The following PHF14 variants were observed in gnomAD, a reference collection of about 807,000 sequenced individuals.
The protein encoded by PHF14 is PHD finger protein 14.
In PHF14, 55 loss-of-function variants were observed where a neutral mutation model predicts 117.9. The observed-to-expected ratio is 0.47, with a 90% CI of 0.38 to 0.58. The LOEUF is 0.58. Among genes scored for constraint, PHF14 ranks in the 20% least tolerant of loss-of-function variants. The pLI, the probability that PHF14 is intolerant of heterozygous loss-of-function variation, is 0.00. For missense variants in PHF14, 978 were observed against 1,122.2 expected, an observed-to-expected ratio of 0.87 and a Z score of 1.84; for synonymous variants, 409 against 368.6, an observed-to-expected ratio of 1.11 and a Z score of -1.26.
intron 17 of PHF14, among the ~76,000 whole-genome samples, chr7:11,162,176 C>T (rs554792172): frequency 6.8e-6 from 1 of 146,610 alleles, no homozygotes; most frequent in South Asian, 2.2e-4. Flanking sequence ...GCAACCTCCA[C>T]CTCCCAGGTT....
intron 16 of PHF14, chr7:11,105,813 A>G (rs1787241603): frequency 7.1e-6 from 7 of 984,496 alleles, no homozygotes; most frequent in African/African-American, 5.2e-5. Flanking sequence ...TTGGATGCAC[A>G]TGCTGGGCTT....
At chr7:11,025,980 C>T (rs1319644192) in intron 6 of PHF14, among the ~76,000 whole-genome samples, 1 of 151,862 alleles carries the variant, frequency 6.6e-6, no homozygotes, top group African/African-American at 2.4e-5. Context: ...GGCGTGGTGG[C>T]ACGTGCCTGT....
At chr7:11,011,614 A>G (rs560153424) in intron 4 of PHF14, among the ~76,000 whole-genome samples, 4 of 152,228 alleles carry the variant, frequency 2.6e-5, no homozygotes, top group South Asian at 2.1e-4. Context: ...GAGATGTAAT[A>G]AATGTGTCTC....
chr7:11,080,593 A>T (rs1016899667), intron 16 of PHF14, among the ~76,000 whole-genome samples: 1 of 152,156 alleles, frequency 6.6e-6, no homozygotes, highest in Non-Finnish European at 1.5e-5. Context: ...TTTCTCCCTG[A>T]TGTCTCAAAA....
rs1188220386 is a variant in PHF14, at chr7:11,069,940, C to G, written c.2654+7855C>G. Among the ~76,000 whole-genome samples, 3 of 151,234 alleles carry G rather than the reference C, an allele frequency of 2.0e-5. 1 individual carries two copies. Among genetic ancestry groups the G allele is most frequent in the Admixed American group, 1.3e-4 (2 of 15,156 alleles). ...GAGTTGGAAAAAGTGTTCCCTTATT[C>G]TTTGTTTTTAAAGCATTTGTTTAAG... On this transcript the variant is annotated intron_variant, in intron 16 of 17. Coordinates refer to ENST00000634607, the MANE Select transcript of PHF14 (RefSeq NM_001007157.2).
intron 17 of PHF14, among the ~76,000 whole-genome samples, chr7:11,127,526 C>G (rs962729901): frequency 2.0e-5 from 3 of 152,086 alleles, no homozygotes; most frequent in Non-Finnish European, 2.9e-5. Flanking sequence ...AGCCATGCAT[C>G]TTTGCTTTGC....
chr7:11,037,062 C>A lies in PHF14; in HGVS notation c.1951C>A (p.Gln651Lys). The A allele has an allele frequency of 6.6e-7, 1 of 1,506,434 alleles. No homozygotes were observed. Among genetic ancestry groups the A allele is most frequent in the Non-Finnish European group, 9.1e-7 (1 of 1,102,374 alleles). 93.3% of individuals were successfully genotyped at this position (1,506,434 alleles called of 1,614,324 possible). The stretch of plus-strand genomic sequence containing the variant: ...TATAAAAGATAAATTAGAGAATGAA[C>A]AAGAAAAGCTTCATGTAGAATATAA... ...KNIKDKLENE[Q>K]EKLHVEYNKL... The change falls in exon 10 of 18, where the codon CAA becomes AAA. Residue 651 changes from glutamine (Q) to lysine (K), a missense_variant. By Grantham distance (53) the Gln-to-Lys change is moderately conservative (BLOSUM62 1). Around this residue, in one of 7 missense-constraint regions of PHF14, gnomAD observed 237 missense variants for 276.4 expected, o/e 0.86. Transcript: ENST00000634607.
intron 17 of PHF14, among the ~76,000 whole-genome samples, chr7:11,121,492 A>C (rs1260018954): frequency 6.6e-6 from 1 of 152,196 alleles, no homozygotes; most frequent in Non-Finnish European, 1.5e-5. Context: ...TTATGTTCCA[A>C]GACCCCTAGA....
At chr7:11,118,843 T>C (rs977790689) in intron 17 of PHF14, among the ~76,000 whole-genome samples, 7 of 151,986 alleles carry the variant, frequency 4.6e-5, no homozygotes, top group Admixed American at 4.6e-4. Context: ...AAATTATTCC[T>C]TAAGCATCAT....
At chr7:11,057,445 G>A (rs1034060160) in intron 14 of PHF14, among the ~76,000 whole-genome samples, 1 of 152,018 alleles carries the variant, frequency 6.6e-6, no homozygotes, top group African/African-American at 2.4e-5. Flanking sequence ...TGTGACCTTG[G>A]CTCACTGCAA....
chr7:11,106,496 T>C (rs1294661688), intron 16 of PHF14: 5 of 947,246 alleles, frequency 5.3e-6, no homozygotes, highest in Middle Eastern at 5.4e-4. Context: ...ATTGTACTTA[T>C]TGATACTAAA....
rs548470311 is a variant in PHF14, at chr7:11,155,154, T to A, written c.2773-14262T>A. Among the ~76,000 whole-genome samples, 11 of 152,322 alleles carry A rather than the reference T, an allele frequency of 7.2e-5. No individual in the cohort carries two copies. The South Asian group carries it at 8.3e-4, about 11-fold the overall frequency. ...GTGCTAGGCTCCTCATATTTTATTT[T>A]ATTTAATAATTTTAGTCGTCAAAAA... On this transcript the variant is annotated intron_variant, in intron 17 of 17. Coordinates refer to ENST00000634607, the MANE Select transcript of PHF14 (RefSeq NM_001007157.2).
At chr7:11,138,290 C>T (rs1788297043) in intron 17 of PHF14, among the ~76,000 whole-genome samples, 1 of 151,930 alleles carries the variant, frequency 6.6e-6, no homozygotes. Flanking sequence ...ATCCACCCGC[C>T]TCGGCCCCCC....
At chr7:10,996,588 G>A (rs1206775015) in intron 4 of PHF14, among the ~76,000 whole-genome samples, 1 of 151,380 alleles carries the variant, frequency 6.6e-6, no homozygotes, top group Non-Finnish European at 1.5e-5. Flanking sequence ...TATCCCAGAG[G>A]TTATTGAAAA....
intron 3 of PHF14, among the ~76,000 whole-genome samples, chr7:10,985,954 C>A (rs1562562091): frequency 6.6e-6 from 1 of 151,858 alleles, no homozygotes; most frequent in East Asian, 1.9e-4. Context: ...CACCTGGTCT[C>A]ATTTTAAAAT....
intron 16 of PHF14, among the ~76,000 whole-genome samples, chr7:11,088,198 A>G (rs1786492842): frequency 6.6e-6 from 1 of 152,176 alleles, no homozygotes; most frequent in South Asian, 2.1e-4. Flanking sequence ...GATACTTATT[A>G]TAATACCTAA....
chr7:11,032,977 A>G (rs529764796), intron 7 of PHF14, among the ~76,000 whole-genome samples: 2 of 152,348 alleles, frequency 1.3e-5, no homozygotes, highest in African/African-American at 4.8e-5. Flanking sequence ...TCAGTTTTCT[A>G]TCCATAAAAT....
At chr7:11,006,694 A>C in intron 4 of PHF14, 1 of 633,284 alleles carries the variant, frequency 1.6e-6, no homozygotes, top group Non-Finnish European at 3.0e-6. Flanking sequence ...TTCCGAGGAT[A>C]TCTGGGCTGC....
chr7:11,095,037 T>A (rs1456267690), intron 16 of PHF14, among the ~76,000 whole-genome samples: 1 of 152,148 alleles, frequency 6.6e-6, no homozygotes, highest in African/African-American at 2.4e-5. Context: ...TTACTGAGCC[T>A]GAGGGAACAC....
Sources: allele counts gnomAD v4.1 joint callset (sites outside exome capture counted in the v4.1 genomes callset), GRCh38; gene constraint gnomAD v4.1.1; regional missense constraint gnomAD v4.1.1; transcripts MANE v1.5; gene names NCBI Gene and HGNC (gene_info 2026-07-23, HGNC 2026-07-21).